Variants in TESK2 observed in about 807,000 individuals in gnomAD.
The protein encoded by TESK2 is testis associated actin remodelling kinase 2, also known as dual specificity testis-specific protein kinase 2.
A neutral mutation model predicts 57.1 loss-of-function variants in TESK2; 39 were observed. That is an observed-to-expected ratio of 0.68 (90% confidence interval 0.53 to 0.89). TESK2 has a LOEUF of 0.89. Among genes scored for constraint, TESK2 ranks in the 40% least tolerant of loss-of-function variants. The probability of loss-of-function intolerance (pLI) is 0.00; values close to 1 mark genes in which losing one functional copy is unlikely to be tolerated. For missense variants in TESK2, 646 were observed against 732.1 expected (o/e 0.88, Z 1.36); for synonymous variants, 249 against 267.9 (o/e 0.93, Z 0.69).
rs33951621 is a variant in TESK2, at chr1:45,434,457, A to AT, written c.223-12612dup. ...CAGGTGTGCACCACTACATCCAGCTATTTTTTTTTTTTTTTGTAGAGATGG... is the reference window on the plus strand; with the variant it reads ...CAGGTGTGCACCACTACATCCAGCTATTTTTTTTTTTTTTTTGTAGAGATGG... On this transcript the variant is annotated intron_variant, in intron 2 of 10. Coordinates refer to ENST00000372086, the MANE Select transcript of TESK2 (RefSeq NM_007170.3). 3.6e-3 allele frequency among the ~76,000 whole-genome samples: 517 copies of AT among 144,074 alleles called. 6 individuals are homozygous for AT. Among genetic ancestry groups the AT allele is most frequent in the African/African-American group, 0.012 (488 of 39,064 alleles). 94.5% of individuals were successfully genotyped at this position (144,074 alleles called of 152,430 possible).
At chr1:45,472,886 C>G (rs372044516) in intron 1 of TESK2, among the ~76,000 whole-genome samples, 1 of 151,554 alleles carries the variant, frequency 6.6e-6, no homozygotes, top group African/African-American at 2.4e-5. Context: ...GCCTGTAATC[C>G]CAGCACTTTG....
intron 2 of TESK2, among the ~76,000 whole-genome samples, chr1:45,455,644 G>C (rs964436898): frequency 1.3e-5 from 2 of 152,200 alleles, no homozygotes; most frequent in Non-Finnish European, 2.9e-5. Flanking sequence ...CTGTTTAGGT[G>C]ATGAGAAAGT....
At chr1:45,427,823 T>C (rs986574817) in intron 2 of TESK2, among the ~76,000 whole-genome samples, 2 of 152,096 alleles carry the variant, frequency 1.3e-5, no homozygotes, top group Non-Finnish European at 2.9e-5. Context: ...TATAGCTTGA[T>C]AGAATGAAGA....
intron 1 of TESK2, among the ~76,000 whole-genome samples, chr1:45,481,141 G>A (rs893334855): frequency 1.3e-5 from 2 of 151,986 alleles, no homozygotes; most frequent in African/African-American, 2.4e-5. Flanking sequence ...CGAGGTGGGC[G>A]GATCACGAGG....
At chr1:45,379,043 T>C (rs1648544641) in intron 4 of TESK2, among the ~76,000 whole-genome samples, 2 of 152,116 alleles carry the variant, frequency 1.3e-5, no homozygotes, top group Admixed American at 1.3e-4. Context: ...ATCTTTATCA[T>C]GGTAAATAAG....
chr1:45,393,053 A>C (rs892175237), intron 3 of TESK2, among the ~76,000 whole-genome samples: 1 of 152,224 alleles, frequency 6.6e-6, no homozygotes, highest in Non-Finnish European at 1.5e-5. Flanking sequence ...ATTTTCTTTA[A>C]TCAAATATTT....
intron 2 of TESK2, among the ~76,000 whole-genome samples, chr1:45,427,571 T>C (rs978556025): frequency 6.6e-6 from 1 of 152,210 alleles, no homozygotes; most frequent in Non-Finnish European, 1.5e-5. Flanking sequence ...TGGAGTACTA[T>C]TCAGCCATAA....
At position 45,344,880 on chromosome 1, in the gene TESK2, G is replaced by A. The variant is rs566882803; in HGVS notation, c.1676C>T (p.Ser559Leu). The change falls in exon 11 of 11, where the codon TCA becomes TTA. Residue 559 changes from serine (S) to leucine (L), a missense_variant. Ser to Leu is a moderately radical substitution (Grantham distance 145). Transcript: ENST00000372086. ...TCCCTGGGTTTGCAGGCCTATGCCT[G>A]AGGTGGAGAAGGTGGCTGGAGTTGA... ...AGSTPATFST[S>L]GIGLQTQGKQ... 74 of 1,613,688 alleles carry A rather than the reference G, an allele frequency of 4.6e-5. No homozygotes were observed. In the South Asian group the frequency reaches 7.1e-4, roughly 16 times the overall value.
chr1:45,448,025 G>GTGTGTA (rs1239753713), intron 2 of TESK2, among the ~76,000 whole-genome samples: 26 of 149,944 alleles, frequency 1.7e-4, no homozygotes, highest in African/African-American at 6.1e-4. Context: ...GTGTGTGTGT[G>GTGTGTA]TGTGTGTGTA....
In TESK2 at chr1:45,344,852, C is replaced by T. The variant is rs1484630241; in HGVS notation, c.1704G>A (p.Lys568=). 1.9e-6 allele frequency: 3 copies of T among 1,612,412 alleles called. No individual in the cohort carries two copies. The highest frequency in any genetic ancestry group is 1.3e-5 in the African/African-American group (1 of 74,886). The change falls in exon 11 of 11, where the codon AAG becomes AAA. Residue 568 remains lysine (K), a synonymous_variant. Coordinates refer to ENST00000372086, the MANE Select transcript of TESK2 (RefSeq NM_007170.3). Reference sequence around the variant, plus strand: ...GGACTAAACCCCCTCACCCATCCTGCTTTCCCTGGGTTTGCAGGCCTATGC... The same window carrying T: ...GGACTAAACCCCCTCACCCATCCTGTTTTCCCTGGGTTTGCAGGCCTATGC... The part of the protein sequence containing the change: ...TSGIGLQTQG[K]QDG
At chr1:45,416,417 G>C (rs1221181243) in intron 3 of TESK2, among the ~76,000 whole-genome samples, 2 of 152,004 alleles carry the variant, frequency 1.3e-5, no homozygotes, top group Admixed American at 1.3e-4. Context: ...GGGATTACAG[G>C]TGTGGGCACA....
intron 1 of TESK2, among the ~76,000 whole-genome samples, chr1:45,487,184 T>C (rs908787233): frequency 1.8e-4 from 27 of 152,238 alleles, no homozygotes; most frequent in South Asian, 6.2e-4. Context: ...TTACAAAGGA[T>C]TTTTTGTGTT....
chr1:45,368,658 A>G (rs1371366105), intron 4 of TESK2, among the ~76,000 whole-genome samples: 1 of 151,414 alleles, frequency 6.6e-6, no homozygotes, highest in Non-Finnish European at 1.5e-5. Flanking sequence ...TACAGGCATG[A>G]GCCACCGCAC....
rs1454756938 is a variant in TESK2, at chr1:45,362,950, G to A, written c.394-7501C>T. On this transcript the variant is annotated intron_variant, in intron 4 of 10. Coordinates refer to ENST00000372086, the MANE Select transcript of TESK2 (RefSeq NM_007170.3). ...TATGCTACATAGAAATATTCTAACA[G>A]TAGTATAAAAATTGTATGAAAAGGT... Among the ~76,000 whole-genome samples the A allele has an allele frequency of 2.6e-5, 4 of 151,928 alleles. No homozygotes were observed. The East Asian group carries it at 7.7e-4, about 29-fold the overall frequency.
chr1:45,453,015 C>G (rs2149298225), intron 2 of TESK2, among the ~76,000 whole-genome samples: 1 of 151,930 alleles, frequency 6.6e-6, no homozygotes, highest in South Asian at 2.1e-4. Context: ...CACTGCACTG[C>G]CGCCTGGATG....
chr1:45,384,612 T>TTATTA (rs1557551592), intron 4 of TESK2, among the ~76,000 whole-genome samples: 1 of 133,678 alleles, frequency 7.5e-6, no homozygotes, highest in African/African-American at 2.8e-5. Context: ...TTTTTTTTTT[T>TTATTA]TTTTTTTTTT....
rs1648876506 is a variant in TESK2 at position 45,385,978 on chromosome 1, A to C, written c.345-18T>G. The C allele has an allele frequency of 1.3e-6, 2 of 1,586,508 alleles. No homozygotes were observed. Among genetic ancestry groups the C allele is most frequent in the South Asian group, 2.2e-5 (2 of 89,316 alleles). ...CCATGAACCTAAAGAACAAGACAGA[A>C]TTATTTAACAAGTGAAAAGGACACA... On this transcript the variant is annotated intron_variant, in intron 3 of 10. Transcript: ENST00000372086.
chr1:45,454,014 A>C (rs1651974987), intron 2 of TESK2, among the ~76,000 whole-genome samples: 2 of 152,168 alleles, frequency 1.3e-5, no homozygotes, highest in Non-Finnish European at 2.9e-5. Context: ...GAAAAAGAAA[A>C]ATAAGTGTCA....
At chr1:45,446,129 C>T (rs1651638064) in intron 2 of TESK2, among the ~76,000 whole-genome samples, 1 of 151,146 alleles carries the variant, frequency 6.6e-6, no homozygotes, top group South Asian at 2.1e-4. Flanking sequence ...ATTTTAATAC[C>T]ACTTAAGCTG....
Sources: allele counts gnomAD v4.1 joint callset (sites outside exome capture counted in the v4.1 genomes callset), GRCh38; gene constraint gnomAD v4.1.1; transcripts MANE v1.5; gene names NCBI Gene and HGNC (gene_info 2026-07-23, HGNC 2026-07-21).